CHLSN: variants seen among roughly 807,000 people sequenced by gnomAD.
CHLSN encodes the protein protein cholesin.
the CHLSN span, among the ~76,000 whole-genome samples, chr7:1,064,452 G>C: frequency 1.3e-5 from 2 of 151,952 alleles, no homozygotes; most frequent in African/African-American, 4.8e-5. Flanking sequence ...AGGGCAGAAG[G>C]AACAGCGGTG....
chr7:1,017,224 A>G, the CHLSN span, among the ~76,000 whole-genome samples: 2 of 152,216 alleles, frequency 1.3e-5, no homozygotes. Flanking sequence ...AAAGAATGGC[A>G]GAGAAAGGAC....
chr7:1,037,290 A>C, the CHLSN span, among the ~76,000 whole-genome samples: 39 of 136,986 alleles, frequency 2.8e-4, 1 homozygote, highest in African/African-American at 8.9e-4. Context: ...TTTAGAACAG[A>C]AAGGAAGATG....
the CHLSN span, among the ~76,000 whole-genome samples, chr7:1,110,577 A>G: frequency 6.6e-6 from 1 of 152,170 alleles, no homozygotes; most frequent in Admixed American, 6.5e-5. Context: ...GGGTTTGGGG[A>G]GATCCACCAT....
chr7:983,476 C>T, the CHLSN span: 3 of 1,256,272 alleles, frequency 2.4e-6, no homozygotes, highest in South Asian at 5.5e-5. Context: ...GTTTCCACTG[C>T]CTGTTCCCAC....
At chr7:1,035,442 C>CT in the CHLSN span, among the ~76,000 whole-genome samples, 1 of 152,228 alleles carries the variant, frequency 6.6e-6, no homozygotes, top group Non-Finnish European at 1.5e-5. Context: ...GGACAGAAAT[C>CT]TTTTCAACAA....
the CHLSN span, among the ~76,000 whole-genome samples, chr7:1,041,821 G>A: frequency 1.3e-5 from 2 of 151,288 alleles, no homozygotes; most frequent in Admixed American, 6.6e-5. Context: ...GAAAGCCCAC[G>A]TGCAGACAGA....
At chr7:1,023,910 A>G in the CHLSN span, among the ~76,000 whole-genome samples, 1 of 152,086 alleles carries the variant, frequency 6.6e-6, no homozygotes, top group Non-Finnish European at 1.5e-5. This position sits in a 1 kb window ranked among gnomAD's most constrained non-coding sequence, Gnocchi z 5.0. Flanking sequence ...GCACCATCAC[A>G]GTTTACTGCA....
chr7:1,082,872 T>C, the CHLSN span, among the ~76,000 whole-genome samples: 1 of 152,158 alleles, frequency 6.6e-6, no homozygotes, highest in Non-Finnish European at 1.5e-5. Flanking sequence ...GATGCGTCAT[T>C]TGCATTTATC....
At chr7:1,041,263 CGGGG>C in the CHLSN span, among the ~76,000 whole-genome samples, 1 of 139,836 alleles carries the variant, frequency 7.2e-6, no homozygotes, top group African/African-American at 2.5e-5. Context: ...CTCCGCGCTG[CGGGG>C]AAGGGGACCT....
the CHLSN span, among the ~76,000 whole-genome samples, chr7:1,070,392 C>T: frequency 6.2e-5 from 8 of 129,488 alleles, no homozygotes; most frequent in Admixed American, 1.5e-4. Flanking sequence ...CCGCCCCGTC[C>T]GGGAGGTGAG....
chr7:1,014,114 A>G, the CHLSN span, among the ~76,000 whole-genome samples: 358 of 152,332 alleles, frequency 2.4e-3, 2 homozygotes, highest in African/African-American at 7.8e-3. Flanking sequence ...TCAAACATGA[A>G]ATCCTTACCA....
the CHLSN span, chr7:988,703 C>A: frequency 6.3e-7 from 1 of 1,599,884 alleles, no homozygotes; most frequent in Non-Finnish European, 8.5e-7. Flanking sequence ...CGGCCTCCTG[C>A]AGAGGTACCG....
At chr7:1,027,824 G>A in the CHLSN span, among the ~76,000 whole-genome samples, 3 of 152,192 alleles carry the variant, frequency 2.0e-5, no homozygotes, top group Admixed American at 2.0e-4. Context: ...GGCGGCCGAC[G>A]ACTCCAGCCC....
the CHLSN span, among the ~76,000 whole-genome samples, chr7:1,035,047 G>C: frequency 6.6e-6 from 1 of 152,326 alleles, no homozygotes; most frequent in African/African-American, 2.4e-5. Flanking sequence ...TCTGCCATTG[G>C]TGGCATTTCA....
chr7:1,075,388 C>T, the CHLSN span, among the ~76,000 whole-genome samples: 4 of 151,724 alleles, frequency 2.6e-5, no homozygotes, highest in Admixed American at 2.0e-4. Context: ...ACAAAAATTA[C>T]AGGCAGGCGC....
chr7:1,071,004 ACG>A, the CHLSN span, among the ~76,000 whole-genome samples: 2,656 of 151,966 alleles, frequency 0.017, 39 homozygotes, highest in Non-Finnish European at 0.028. Context: ...ACACGTGCAC[ACG>A]CACATGCACA....
the CHLSN span, among the ~76,000 whole-genome samples, chr7:980,193 G>A: frequency 6.6e-6 from 1 of 152,360 alleles, no homozygotes; most frequent in East Asian, 1.9e-4. Context: ...TCTGACTCCA[G>A]CCCCTCCGGG....
the CHLSN span, among the ~76,000 whole-genome samples, chr7:1,136,179 C>T: frequency 2.1e-5 from 2 of 95,614 alleles, no homozygotes; most frequent in African/African-American, 5.4e-5. Context: ...TATAAATATA[C>T]ATAATTATAA....
chr7:1,037,173 A>G, the CHLSN span, among the ~76,000 whole-genome samples: 1 of 146,152 alleles, frequency 6.8e-6, no homozygotes, highest in Non-Finnish European at 1.5e-5. Flanking sequence ...GATAAAGGGC[A>G]TCTACAAAAA....
Sources: gnomAD v4.1 joint callset for allele counts (sites outside exome capture counted in the v4.1 genomes callset) on GRCh38, gnomAD v4.1.1 for gene constraint, Gnocchi (gnomAD v3.1) non-coding constraint, MANE v1.5 for transcripts, NCBI Gene and HGNC (gene_info 2026-07-23, HGNC 2026-07-21) for gene names.